Variants in ABHD18 observed in about 807,000 individuals in gnomAD.
ABHD18 encodes the protein abhydrolase domain containing 18.
Under a neutral mutation model 65.9 loss-of-function variants are expected in ABHD18, and 55 were observed. That is an observed-to-expected ratio of 0.84 (90% CI 0.67 to 1.05). The LOEUF (loss-of-function observed/expected upper bound fraction) is 1.05, where lower values mean the gene tolerates loss of function less well. Among genes scored for constraint, ABHD18 ranks in the 50% least tolerant of loss-of-function variants. The pLI, the probability that ABHD18 is intolerant of heterozygous loss-of-function variation, is 0.00. For synonymous variants in ABHD18, 181 were observed against 180.2 expected (o/e 1.00, Z -0.04); for missense variants, 533 against 558.5 (o/e 0.95, Z 0.46).
At chr4:128,006,745 C>T (rs1297080195) in intron 4 of ABHD18, among the ~76,000 whole-genome samples, 3 of 152,174 alleles carry the variant, frequency 2.0e-5, no homozygotes, top group East Asian at 3.8e-4. Flanking sequence ...GTGATGGTTG[C>T]ACAACAGTGT....
intron 4 of ABHD18, among the ~76,000 whole-genome samples, chr4:128,005,989 G>A (rs1253100707): frequency 1.3e-5 from 2 of 152,090 alleles, no homozygotes; most frequent in Non-Finnish European, 2.9e-5. Context: ...TCTAACTATA[G>A]TCTGTCCCAA....
rs1394479030 is a variant in ABHD18, at chr4:128,021,237, GAGTA to G, written c.801+4_801+7del. Reference sequence around the variant, plus strand: ...ATTATTCACATGCTTGAATACTGTGGAGTAAGTATTTCACTTTCCACCCAACATT... The same window carrying G: ...ATTATTCACATGCTTGAATACTGTGGAGTATTTCACTTTCCACCCAACATT... On this transcript the variant is annotated splice_donor_variant and splice_donor_region_variant and coding_sequence_variant and intron_variant, in exon 10 of 13. Coordinates refer to ENST00000645843, the MANE Select transcript of ABHD18 (RefSeq NM_001358451.3). LOFTEE classifies it high-confidence loss of function. The G allele has an allele frequency of 3.1e-5, 46 of 1,496,452 alleles. No homozygotes were observed. Among genetic ancestry groups the G allele is most frequent in the Admixed American group, 1.8e-4 (9 of 50,196 alleles). The allele number at this position is 1,496,452 out of a possible 1,614,324, so 92.7% of individuals were successfully genotyped here. A position where few individuals can be genotyped will look rare whatever the true frequency, so the allele number is the denominator to read the frequency against.
chr4:128,022,613 G>A (rs2149171784), intron 10 of ABHD18, among the ~76,000 whole-genome samples: 1 of 152,022 alleles, frequency 6.6e-6, no homozygotes, highest in South Asian at 2.1e-4. Context: ...ACTTTTATAG[G>A]GAGACACTTA....
In ABHD18 at chr4:128,039,119, T is replaced by C. The variant is rs995731498; in HGVS notation, c.*3306T>C. ...GTATATATATGTATGTACGTATATA[T>C]ATGTATTATATATACACACATATGC... On this transcript the variant is annotated 3_prime_UTR_variant, in exon 13 of 13. Transcript: ENST00000645843. 1 of 144,652 alleles carries C rather than the reference T, an allele frequency of 6.9e-6. No homozygotes were observed. Among genetic ancestry groups the C allele is most frequent in the African/African-American group, 2.5e-5 (1 of 39,494 alleles). The allele number at this position is 144,652 out of a possible 1,614,324, so 9.0% of individuals were successfully genotyped here.
chr4:127,991,178 T>C lies in ABHD18; in HGVS notation c.278+1357T>C, dbSNP rs570839868. On this transcript the variant is annotated intron_variant, in intron 4 of 12. Transcript: ENST00000645843. ...ATGCTCGGCCACTGTTAATGATTTGTGTTTTGTTTTGTTTCGTTTTGTTTT... is the reference window on the plus strand; with the variant it reads ...ATGCTCGGCCACTGTTAATGATTTGCGTTTTGTTTTGTTTCGTTTTGTTTT... Among the ~76,000 whole-genome samples, 5 of 152,012 alleles carry C rather than the reference T, an allele frequency of 3.3e-5. No homozygotes were observed. In the East Asian group the frequency reaches 5.8e-4, roughly 18 times the overall value.
rs772533345 is a variant in ABHD18, at chr4:128,017,540, A to G, written c.609+39A>G. ...TTTCTGCTTACATTTAATTATGTTT[A>G]TGTTTGTAAGATCTAGAGAACCTGG... On this transcript the variant is annotated intron_variant, in intron 8 of 12. Transcript: ENST00000645843. 1.6e-5 allele frequency: 24 copies of G among 1,538,020 alleles called. No individual in the cohort carries two copies. In the Admixed American group the frequency reaches 4.9e-4, roughly 31 times the overall value.
chr4:128,037,068 G>A lies in ABHD18; in HGVS notation c.*1255G>A, dbSNP rs529662124. On this transcript the variant is annotated 3_prime_UTR_variant, in exon 13 of 13. Coordinates refer to ENST00000645843, the MANE Select transcript of ABHD18 (RefSeq NM_001358451.3). Reference sequence around the variant, plus strand: ...AAGGAGGCGGAGGTTGCACTGAGCTGAGATTGCGCCACTGCACTCCAGCCT... The same window carrying A: ...AAGGAGGCGGAGGTTGCACTGAGCTAAGATTGCGCCACTGCACTCCAGCCT... 187 of 139,706 alleles carry A rather than the reference G, an allele frequency of 1.3e-3. No homozygotes were observed. The highest frequency in any genetic ancestry group is 2.3e-3 in the Non-Finnish European group (152 of 66,140). 8.7% of individuals were successfully genotyped at this position (139,706 alleles called of 1,614,324 possible).
intron 12 of ABHD18, among the ~76,000 whole-genome samples, chr4:128,035,297 T>G (rs564414335): frequency 1.8e-4 from 27 of 152,224 alleles, no homozygotes; most frequent in South Asian, 4.1e-4. Context: ...TGGAAGTATA[T>G]TTGAGGTTTT....
At chr4:128,030,697 A>C in intron 12 of ABHD18, 25 bp downstream of exon 12, 1 of 1,531,734 alleles carries the variant, frequency 6.5e-7, no homozygotes, top group Non-Finnish European at 8.7e-7. Context: ...CTAAACATGT[A>C]TTCGTTCATT....
intron 7 of ABHD18, among the ~76,000 whole-genome samples, chr4:128,013,427 G>A (rs1249731824): frequency 6.6e-6 from 1 of 152,132 alleles, no homozygotes; most frequent in Non-Finnish European, 1.5e-5. Flanking sequence ...TGGGCCGGGC[G>A]CAGTGGCTCA....
chr4:128,006,839 A>C (rs1227265452), intron 4 of ABHD18, among the ~76,000 whole-genome samples: 1 of 152,166 alleles, frequency 6.6e-6, no homozygotes, highest in African/African-American at 2.4e-5. Flanking sequence ...AATCACAGTT[A>C]TTTGGGAGGC....
Position 128,002,646 on chromosome 4 carries a change from CTTTG to C in ABHD18, c.279-6261_279-6258del, listed in dbSNP as rs938876554. Among the ~76,000 whole-genome samples the C allele has an allele frequency of 4.6e-4, 70 of 151,020 alleles. 1 individual carries two copies. Among genetic ancestry groups the C allele is most frequent in the South Asian group, 2.3e-3 (11 of 4,748 alleles). On this transcript the variant is annotated intron_variant, in intron 4 of 12. Transcript: ENST00000645843. ...AGATGTTGGAACTACTAGATTAATA[CTTTG>C]TTTGTTTGTTTGAGACAGAGTCTCG...
Position 128,008,981 on chromosome 4 carries a change from G to A in ABHD18, c.340G>A (p.Ala114Thr). ...ATATAGACCTGTATGCATTCATCTTGCTGGAACAGGAGATCATGTAAGACT... is the reference window on the plus strand; with the variant it reads ...ATATAGACCTGTATGCATTCATCTTACTGGAACAGGAGATCATGTAAGACT... The part of the protein sequence containing the change: ...SKYRPVCIHL[A>T]GTGDHHYWRR... The change falls in exon 5 of 13, where the codon GCT becomes ACT. Residue 114 changes from alanine to threonine, a missense_variant. Ala to Thr is a moderately conservative substitution (Grantham distance 58). This residue lies in a region of ABHD18 where 309 missense variants were observed against 313.5 expected (regional missense o/e 0.99). Coordinates refer to ENST00000645843, the MANE Select transcript of ABHD18 (RefSeq NM_001358451.3). 6.2e-7 allele frequency: 1 copy of A among 1,610,046 alleles called. No individual in the cohort carries two copies.
At chr4:128,011,614 C>T in intron 6 of ABHD18, 59 bp from the exon 7 acceptor site, 1 of 1,368,446 alleles carries the variant, frequency 7.3e-7, no homozygotes, top group Non-Finnish European at 1.0e-6. Context: ...TTAATGTACT[C>T]TCAGACAAAC....
chr4:127,986,501 A>G (rs1221678011), intron 3 of ABHD18, among the ~76,000 whole-genome samples: 1 of 152,200 alleles, frequency 6.6e-6, no homozygotes, highest in East Asian at 1.9e-4. Context: ...CTTTTTGGCT[A>G]TTATAAATAA....
At chr4:127,970,360 A>G (rs2149035255) in intron 1 of ABHD18, among the ~76,000 whole-genome samples, 1 of 152,182 alleles carries the variant, frequency 6.6e-6, no homozygotes. Context: ...TGGGAGGCCA[A>G]GATGGGCAGA....
intron 4 of ABHD18, among the ~76,000 whole-genome samples, chr4:128,005,379 G>T (rs775300359): frequency 6.6e-6 from 1 of 152,216 alleles, no homozygotes; most frequent in Non-Finnish European, 1.5e-5. Flanking sequence ...AGGTCATCTA[G>T]TTTATTATTC....
Position 128,039,477 on chromosome 4 carries a change from G to C in ABHD18, c.*3664G>C, listed in dbSNP as rs1759174052. 6.6e-6 allele frequency: 1 copy of C among 151,916 alleles called. No homozygotes were observed. Among genetic ancestry groups the C allele is most frequent in the Non-Finnish European group, 1.5e-5 (1 of 67,976 alleles). 9.4% of individuals were successfully genotyped at this position (151,916 alleles called of 1,614,324 possible). A position where few individuals can be genotyped will look rare whatever the true frequency, so the allele number is the denominator to read the frequency against. On this transcript the variant is annotated 3_prime_UTR_variant, in exon 13 of 13. Transcript: ENST00000645843. Reference sequence around the variant, plus strand: ...CTCAGCCCTGAAGACCTCTAAGTTTGAGACCCCTGATTTAGATCTGTAATT... The same window carrying C: ...CTCAGCCCTGAAGACCTCTAAGTTTCAGACCCCTGATTTAGATCTGTAATT...
Position 128,028,709 on chromosome 4 carries a change from A to G in ABHD18, c.1036A>G (p.Thr346Ala). Residue 346 changes from threonine (T) to alanine (A), a missense_variant, in exon 11 of 13, where the codon ACC becomes GCC. Coordinates refer to ENST00000645843, the MANE Select transcript of ABHD18 (RefSeq NM_001358451.3). ...GAAGCGCTTCAATCAAACACTTTCAACCAACAAAAGTGGTTATACAAGTCG... is the reference window on the plus strand; with the variant it reads ...GAAGCGCTTCAATCAAACACTTTCAGCCAACAAAAGTGGTTATACAAGTCG... ...KMKRFNQTLS[T>A]NKSGYTSRNP... The G allele has an allele frequency of 1.9e-6, 3 of 1,613,936 alleles. No homozygotes were observed. The highest frequency in any genetic ancestry group is 2.2e-5 in the East Asian group (1 of 44,862).
Sources: gnomAD v4.1 joint callset for allele counts (sites outside exome capture counted in the v4.1 genomes callset) on GRCh38, gnomAD v4.1.1 for gene constraint, gnomAD v4.1.1 regional missense constraint, MANE v1.5 for transcripts, NCBI Gene and HGNC (gene_info 2026-07-23, HGNC 2026-07-21) for gene names.